Variants in CLIC5 observed in about 807,000 individuals in gnomAD.
The protein encoded by CLIC5 is chloride intracellular channel protein 5.
A neutral mutation model predicts 24.7 loss-of-function variants in CLIC5; 20 were observed. The observed-to-expected ratio is 0.81, with a 90% CI of 0.57 to 1.18. CLIC5 has a LOEUF of 1.18. Among genes scored for constraint, CLIC5 ranks in the 50% most tolerant of loss-of-function variants. CLIC5 has a pLI of 0.00. For synonymous variants in CLIC5, 159 were observed against 135.6 expected (o/e 1.17, Z -1.20); for missense variants, 341 against 326.1 (o/e 1.05, Z -0.35).
intron 6 of CLIC5, among the ~76,000 whole-genome samples, chr6:45,885,699 C>T (rs533781550): frequency 8.4e-4 from 128 of 152,286 alleles, no homozygotes; most frequent in African/African-American, 2.7e-3. Flanking sequence ...GAAACAAAGT[C>T]GTAGAGACCT....
At chr6:46,009,318 C>G (rs1461549668) in intron 1 of CLIC5, among the ~76,000 whole-genome samples, 1 of 152,132 alleles carries the variant, frequency 6.6e-6, no homozygotes, top group African/African-American at 2.4e-5. Flanking sequence ...AATTTCACAT[C>G]TCAGAACTTA....
At chr6:46,009,320 C>G (rs1766715934) in intron 1 of CLIC5, among the ~76,000 whole-genome samples, 1 of 152,114 alleles carries the variant, frequency 6.6e-6, no homozygotes, top group African/African-American at 2.4e-5. Context: ...TTTCACATCT[C>G]AGAACTTAGA....
At chr6:46,000,357 TGAAGGAGACACCCACCGTGAG>T (rs1382632370) in intron 1 of CLIC5, among the ~76,000 whole-genome samples, 3 of 152,164 alleles carry the variant, frequency 2.0e-5, no homozygotes, top group African/African-American at 7.2e-5. Context: ...CATGCTCCTT[TGAAGGAGACACCCACCGTGAG>T]GGGAGTATCC....
chr6:45,889,465 A>C (rs952817719), intron 6 of CLIC5, among the ~76,000 whole-genome samples: 1 of 152,186 alleles, frequency 6.6e-6, no homozygotes, highest in Non-Finnish European at 1.5e-5. Context: ...AGAATACATT[A>C]AGTGGAAAAT....
intron 2 of CLIC5, among the ~76,000 whole-genome samples, chr6:45,954,283 A>G (rs1041651327): frequency 8.6e-5 from 13 of 151,676 alleles, no homozygotes; most frequent in African/African-American, 2.9e-4. Context: ...AAAAAAAAAA[A>G]AAAAAAAAGA....
intron 4 of CLIC5, among the ~76,000 whole-genome samples, chr6:45,939,988 CTCTT>C (rs1052702127): frequency 7.9e-5 from 12 of 152,224 alleles, no homozygotes; most frequent in African/African-American, 1.2e-4. Context: ...AGAAGCCACT[CTCTT>C]TCTAGTTTCT....
intron 1 of CLIC5, among the ~76,000 whole-genome samples, chr6:45,958,575 A>G (rs1342637765): frequency 2.0e-5 from 3 of 150,618 alleles, no homozygotes; most frequent in African/African-American, 4.9e-5. Context: ...TACAGTGTAT[A>G]TAACAACTTA....
chr6:46,023,920 C>T (rs1359742064), intron 1 of CLIC5, among the ~76,000 whole-genome samples: 1 of 151,522 alleles, frequency 6.6e-6, no homozygotes, highest in African/African-American at 2.4e-5. Context: ...CCACAACTGT[C>T]ACCTAGTATT....
upstream of CLIC5, among the ~76,000 whole-genome samples, chr6:46,020,429 G>A (rs992336899): frequency 3.9e-5 from 6 of 151,942 alleles, no homozygotes; most frequent in Admixed American, 6.5e-5. Flanking sequence ...CTAAAGCAAC[G>A]CTTAGTAGAA....
chr6:46,016,029 G>A, upstream of CLIC5: 1 of 359,132 alleles, frequency 2.8e-6, no homozygotes. Flanking sequence ...TCCTGGCAAA[G>A]CCACCAAGGC....
At chr6:45,983,801 CT>C (rs1765642888) in intron 1 of CLIC5, among the ~76,000 whole-genome samples, 1 of 152,182 alleles carries the variant, frequency 6.6e-6, no homozygotes, top group African/African-American at 2.4e-5. Flanking sequence ...TCAGATAAGT[CT>C]TTTATACCCT....
downstream of CLIC5, among the ~76,000 whole-genome samples, chr6:45,897,134 T>G (rs1200740582): frequency 1.3e-5 from 2 of 152,154 alleles, no homozygotes; most frequent in Non-Finnish European, 2.9e-5. Context: ...GCATGTTGCC[T>G]TTGCCCTGAG....
At chr6:46,097,144 T>G in the CLIC5 span, 5 of 152,136 alleles carry the variant, frequency 3.3e-5, no homozygotes, top group African/African-American at 1.2e-4. Context: ...GCTGAAATGT[T>G]TGGAGGTGAA....
intron 1 of CLIC5, among the ~76,000 whole-genome samples, chr6:46,060,698 GA>G (rs992819486): frequency 2.0e-4 from 31 of 152,132 alleles, no homozygotes; most frequent in African/African-American, 7.5e-4. Flanking sequence ...TCTCTTCCCT[GA>G]TCCTACCTGC....
intron 5 of CLIC5, among the ~76,000 whole-genome samples, chr6:45,907,255 C>T (rs1561922023): frequency 1.3e-5 from 2 of 152,038 alleles, no homozygotes; most frequent in African/African-American, 4.8e-5. Flanking sequence ...GAATTTTATC[C>T]AAAGGTTTTC....
chr6:45,884,410 ACTGCATG>A (rs1229561619), intron 6 of CLIC5, among the ~76,000 whole-genome samples: 1 of 152,318 alleles, frequency 6.6e-6, no homozygotes, highest in Non-Finnish European at 1.5e-5. Context: ...GGGAAAAAGT[ACTGCATG>A]CTGACACCAG....
At chr6:46,003,414 C>A (rs952822257) in intron 1 of CLIC5, among the ~76,000 whole-genome samples, 2 of 152,104 alleles carry the variant, frequency 1.3e-5, no homozygotes, top group African/African-American at 4.8e-5. Flanking sequence ...GGGATAAATA[C>A]CTTTGCAAAA....
rs140405071 is a variant in CLIC5, at chr6:45,945,774, T to C, written c.299+3482A>G. Among the ~76,000 whole-genome samples the C allele has an allele frequency of 1.3e-3, 194 of 152,310 alleles. 8 individuals carry two copies. In the East Asian group the frequency reaches 0.031, roughly 25 times the overall value. ...TCTCTACCTCCCAGAGGGTCAGAAC[T>C]TTCTTGTTTTTTACTGTGGTGAGTT... On this transcript the variant is annotated intron_variant, in intron 3 of 5. Coordinates refer to ENST00000339561, the MANE Select transcript of CLIC5 (RefSeq NM_016929.5).
At chr6:45,943,977 T>A (rs559052689) in intron 3 of CLIC5, among the ~76,000 whole-genome samples, 2 of 152,356 alleles carry the variant, frequency 1.3e-5, no homozygotes, top group Admixed American at 1.3e-4. Flanking sequence ...ACCTCCATAT[T>A]TATGGCGTGT....
Sources: gnomAD v4.1 joint callset for allele counts (sites outside exome capture counted in the v4.1 genomes callset) on GRCh38, gnomAD v4.1.1 for gene constraint, MANE v1.5 for transcripts, NCBI Gene and HGNC (gene_info 2026-07-23, HGNC 2026-07-21) for gene names.